The following PROSER1 variants were observed in gnomAD, a reference collection of about 807,000 sequenced individuals.
PROSER1 encodes the protein proline and serine rich 1, also known as proline and serine-rich protein 1.
A neutral mutation model predicts 71.8 loss-of-function variants in PROSER1; 36 were observed. The observed-to-expected ratio is 0.50, with a 90% CI of 0.38 to 0.66. The LOEUF is 0.66. Among genes scored for constraint, PROSER1 ranks in the 30% least tolerant of loss-of-function variants. The pLI is 0.00. For synonymous variants in PROSER1, 490 were observed against 452.4 expected (o/e 1.08, Z -1.06); for missense variants, 1,107 against 1,135.0 (o/e 0.98, Z 0.35).
chr13:39,031,790 TAGTTATATACATTTAAATAACTTAA>T (rs1870857755), intron 2 of PROSER1, 159 bp from the exon 3 acceptor site: 1 of 611,532 alleles, frequency 1.6e-6, no homozygotes, highest in South Asian at 2.2e-5. Flanking sequence ...AGCTATTATA[TAGTTATATACATTTAAATAACTTAA>T]AGTCAAATAA....
intron 9 of PROSER1, among the ~76,000 whole-genome samples, chr13:39,018,499 C>CACACAA (rs1870122875): frequency 7.4e-6 from 1 of 134,562 alleles, no homozygotes; most frequent in African/African-American, 3.1e-5. Flanking sequence ...CACACACACA[C>CACACAA]ACACACACAC....
chr13:39,037,321 A>C lies in PROSER1; in HGVS notation c.-79T>G. On this transcript the variant is annotated 5_prime_UTR_variant, in exon 1 of 13. Transcript: ENST00000352251. ...TTCATCCCTGGTCTGCTCCGCCGAT[A>C]GTAAAAAATATTTATAGCTGAGGAG... 9.6e-7 allele frequency: 1 copy of C among 1,040,196 alleles called. No homozygotes were observed. Among genetic ancestry groups the C allele is most frequent in the Non-Finnish European group, 1.5e-6 (1 of 661,024 alleles). 64.4% of individuals were successfully genotyped at this position (1,040,196 alleles called of 1,614,324 possible).
chr13:39,024,288 A>C (rs1348884361), intron 7 of PROSER1, among the ~76,000 whole-genome samples, 185 bp downstream of exon 7: 1 of 152,094 alleles, frequency 6.6e-6, no homozygotes, highest in Non-Finnish European at 1.5e-5. Context: ...AAAAAGCTCA[A>C]TCTCAAAGGG....
intron 1 of PROSER1, among the ~76,000 whole-genome samples, chr13:39,035,581 C>A (rs1455523539): frequency 6.6e-6 from 1 of 152,172 alleles, no homozygotes; most frequent in African/African-American, 2.4e-5. Context: ...TAATAGCTAT[C>A]ATTCCCTCCT....
chr13:39,018,421 T>A (rs1318117001), intron 9 of PROSER1, among the ~76,000 whole-genome samples: 5 of 147,230 alleles, frequency 3.4e-5, no homozygotes, highest in Non-Finnish European at 7.5e-5. Context: ...TGACAAAAAA[T>A]AACCACCAGA....
rs1235984833 is a variant in PROSER1, at chr13:39,014,217, T to C, written c.1035A>G (p.Ala345=). The stretch of plus-strand genomic sequence containing the variant: ...TTGTACTGTGGATGGATGTAACAGG[T>C]GCAGTGGGCAATGAAGGGGTTCTGA... The part of the protein sequence containing the change: ...TVIRTPSLPT[A]PVTSIHSTTT... The change falls in exon 11 of 13, where the codon GCA becomes GCG. Residue 345 remains alanine (A), a synonymous_variant. Coordinates refer to ENST00000352251, the MANE Select transcript of PROSER1 (RefSeq NM_025138.5). 6.2e-7 allele frequency: 1 copy of C among 1,614,096 alleles called. No homozygotes were observed. Among genetic ancestry groups the C allele is most frequent in the Non-Finnish European group, 8.5e-7 (1 of 1,180,030 alleles).
intron 9 of PROSER1, among the ~76,000 whole-genome samples, chr13:39,018,440 G>A (rs187510005): frequency 6.7e-6 from 1 of 150,128 alleles, no homozygotes; most frequent in Admixed American, 6.7e-5. Flanking sequence ...GAACAATGGA[G>A]ATTTAATTAA....
chr13:39,024,345 TC>T (rs1309829955), intron 7 of PROSER1, 127 bp downstream of exon 7: 1 of 655,652 alleles, frequency 1.5e-6, no homozygotes, highest in African/African-American at 1.8e-5. Context: ...CCATTCACTC[TC>T]TCACTCTCCT....
Position 39,037,255 on chromosome 13 carries a change from C to G in PROSER1, c.-13G>C, listed in dbSNP as rs1871159820. The stretch of plus-strand genomic sequence containing the variant: ...ACTTTTTATCCATCTTGACTACTAT[C>G]CCGACGTGGTTTTAACAGTTATACT... On this transcript the variant is annotated 5_prime_UTR_variant, in exon 1 of 13. Transcript: ENST00000352251. The G allele has an allele frequency of 6.2e-7, 1 of 1,605,582 alleles. No homozygotes were observed. Among genetic ancestry groups the G allele is most frequent in the Non-Finnish European group, 8.5e-7 (1 of 1,172,346 alleles).
At chr13:39,028,636 T>C (rs1445808909) in intron 4 of PROSER1, among the ~76,000 whole-genome samples, 2 of 152,214 alleles carry the variant, frequency 1.3e-5, no homozygotes, top group Non-Finnish European at 2.9e-5. Context: ...ATGTGTTAAA[T>C]GCATAAAAAT....
At position 39,022,284 on chromosome 13, in the gene PROSER1, TATATGA is replaced by T. The variant is rs369503269; in HGVS notation, c.730+36_730+41del. Reference sequence around the variant, plus strand: ...ACTGTCCGTTCCAAGTGTACATTTGTATATGAATAAGTTACTTAAACACCCCCAAAT... The same window carrying T: ...ACTGTCCGTTCCAAGTGTACATTTGTATAAGTTACTTAAACACCCCCAAAT... On this transcript the variant is annotated intron_variant, in intron 9 of 12. Coordinates refer to ENST00000352251, the MANE Select transcript of PROSER1 (RefSeq NM_025138.5). 2.5e-5 allele frequency: 32 copies of T among 1,267,446 alleles called. No individual in the cohort carries two copies. In the African/African-American group the frequency reaches 4.4e-4, roughly 17 times the overall value. 78.5% of individuals were successfully genotyped at this position (1,267,446 alleles called of 1,614,324 possible). A position where few individuals can be genotyped will look rare whatever the true frequency, so the allele number is the denominator to read the frequency against.
At chr13:39,028,161 G>T in intron 5 of PROSER1, 66 bp downstream of exon 5, 1 of 812,084 alleles carries the variant, frequency 1.2e-6, no homozygotes, top group Non-Finnish European at 2.1e-6. Flanking sequence ...GAAGAAAGGT[G>T]CTTTTTCGTC....
intron 7 of PROSER1, chr13:39,023,428 C>T (rs11619159): frequency 2.6e-5 from 6 of 229,156 alleles, no homozygotes; most frequent in Non-Finnish European, 5.1e-5. Flanking sequence ...CAGGCCCAGC[C>T]TAAGTTAAAC....
At position 39,014,446 on chromosome 13, in the gene PROSER1, GAA is replaced by G; in HGVS notation, c.804_805del (p.Pro270SerfsTer4). ...TGTTGAAGGATTAGAACCATGAGGAGAAAAGAGTTGACTTGCTGGGGTGGAAA... is the reference window on the plus strand; with the variant it reads ...TGTTGAAGGATTAGAACCATGAGGAGAAGAGTTGACTTGCTGGGGTGGAAA... On this transcript the variant is annotated frameshift_variant, in exon 11 of 13. Transcript: ENST00000352251. LOFTEE classifies it high-confidence loss of function. 6.2e-7 allele frequency: 1 copy of G among 1,611,118 alleles called. No homozygotes were observed. The highest frequency in any genetic ancestry group is 8.5e-7 in the Non-Finnish European group (1 of 1,177,630).
Position 39,031,584 on chromosome 13 carries a change from C to T in PROSER1, c.159G>A (p.Lys53=), listed in dbSNP as rs1870845157. The T allele has an allele frequency of 6.2e-7, 1 of 1,612,044 alleles. No homozygotes were observed. Among genetic ancestry groups the T allele is most frequent in the Non-Finnish European group, 8.5e-7 (1 of 1,179,370 alleles). Residue 53 remains lysine (K), a synonymous_variant, in exon 3 of 13, where the codon AAG becomes AAA. Coordinates refer to ENST00000352251, the MANE Select transcript of PROSER1 (RefSeq NM_025138.5). ...TTACATGCTGTAATGCTTTCATTGC[C>T]TTCAACTGGGGCTCGGCCCAGGAAA... ...RYFSWAEPQL[K]AMKALQHKMV... is the part of the protein sequence containing the mutation.
rs1871159246 is a variant in PROSER1, at chr13:39,037,229, G to T, written c.14C>A (p.Ser5Tyr). 1 of 1,610,210 alleles carries T rather than the reference G, an allele frequency of 6.2e-7. No homozygotes were observed. Among genetic ancestry groups the T allele is most frequent in the Non-Finnish European group, 8.5e-7 (1 of 1,176,640 alleles). Reference protein sequence around the residue: MDKKSFEMVLDEIRK... With the variant: MDKKYFEMVLDEIRK... ...AATTTCATCCAGCACCATTTCAAAG[G>T]ACTTTTTATCCATCTTGACTACTAT... The change falls in exon 1 of 13, where the codon TCC (serine) becomes TAC (tyrosine). Residue 5 changes from serine to tyrosine, a missense_variant. Physicochemically the swap from Ser to Tyr is moderately radical, Grantham distance 144 (BLOSUM62 -2). Coordinates refer to ENST00000352251, the MANE Select transcript of PROSER1 (RefSeq NM_025138.5).
chr13:39,013,294 G>C lies in PROSER1; in HGVS notation c.1958C>G (p.Ser653Cys). Residue 653 changes from serine (S) to cysteine (C), a missense_variant, in exon 11 of 13, where the codon TCT (serine) becomes TGT (cysteine). By Grantham distance (112) the Ser-to-Cys change is moderately radical. Transcript: ENST00000352251. ...TGACAATGCAGGATTAAGGCAAGCAGATAAACTGATGGGCACGGATGTTGA... is the reference window on the plus strand; with the variant it reads ...TGACAATGCAGGATTAAGGCAAGCACATAAACTGATGGGCACGGATGTTGA... Reference protein sequence around the residue: ...YTSTSVPISLSACLNPALSGL... With the variant: ...YTSTSVPISLCACLNPALSGL... 5 of 1,614,184 alleles carry C rather than the reference G, an allele frequency of 3.1e-6. No individual in the cohort carries two copies. The highest frequency in any genetic ancestry group is 4.2e-6 in the Non-Finnish European group (5 of 1,180,044).
rs1247305772 is a variant in PROSER1 at position 39,037,360 on chromosome 13, C to A, written c.-118G>T. The A allele has an allele frequency of 1.4e-5, 11 of 771,396 alleles. No homozygotes were observed. Among genetic ancestry groups the A allele is most frequent in the African/African-American group, 5.2e-5 (3 of 57,374 alleles). The allele number at this position is 771,396 out of a possible 1,614,324, so 47.8% of individuals were successfully genotyped here. Reference sequence around the variant, plus strand: ...ATAGCTGAGGAGGAAAAAGACTCCACGAGCAAGAGAGGATGCGAAGAGGTA... The same window carrying A: ...ATAGCTGAGGAGGAAAAAGACTCCAAGAGCAAGAGAGGATGCGAAGAGGTA... On this transcript the variant is annotated 5_prime_UTR_variant, in exon 1 of 13. Coordinates refer to ENST00000352251, the MANE Select transcript of PROSER1 (RefSeq NM_025138.5).
Position 39,014,315 on chromosome 13 carries a change from G to A in PROSER1, c.937C>T (p.Leu313Phe), listed in dbSNP as rs1869892221. Residue 313 changes from leucine to phenylalanine, a missense_variant, in exon 11 of 13, where the codon CTT becomes TTT. Physicochemically the swap from Leu to Phe is conservative, Grantham distance 22. Transcript: ENST00000352251. ...GAGACCTGCCCTGGGAACACAGGAAGGACAGTATTCAGCAGGTTCATTCCA... is the reference window on the plus strand; with the variant it reads ...GAGACCTGCCCTGGGAACACAGGAAAGACAGTATTCAGCAGGTTCATTCCA... The part of the protein sequence containing the change: ...VSGMNLLNTV[L>F]PVFPGQVSSA... 1 of 1,613,982 alleles carries A rather than the reference G, an allele frequency of 6.2e-7. No homozygotes were observed. Among genetic ancestry groups the A allele is most frequent in the African/African-American group, 1.3e-5 (1 of 74,882 alleles).
Sources: gnomAD v4.1 joint callset for allele counts (sites outside exome capture counted in the v4.1 genomes callset) on GRCh38, gnomAD v4.1.1 for gene constraint, MANE v1.5 for transcripts, NCBI Gene and HGNC (gene_info 2026-07-23, HGNC 2026-07-21) for gene names.